The following DENND1A variants were observed in gnomAD, a reference collection of about 807,000 sequenced individuals.
The protein encoded by DENND1A is DENN domain containing 1A, also known as DENN domain-containing protein 1A.
Under a neutral mutation model 113.7 loss-of-function variants are expected in DENND1A, and 51 were observed. The ratio of observed to expected loss-of-function variants is 0.45; its 90% confidence interval spans 0.36 to 0.57. DENND1A has a LOEUF of 0.57. DENND1A is among the 20% of genes least tolerant of loss of function. DENND1A has a pLI of 0.00. For missense variants in DENND1A, 1,258 were observed against 1,395.9 expected (o/e 0.90, Z 1.57); for synonymous variants, 565 against 570.8 (o/e 0.99, Z 0.14).
At chr9:123,726,941 G>A (rs909927299) in intron 5 of DENND1A, among the ~76,000 whole-genome samples, 1 of 152,142 alleles carries the variant, frequency 6.6e-6, no homozygotes, top group Non-Finnish European at 1.5e-5. Flanking sequence ...GAAAGGCCAG[G>A]GACTCTGTGG....
rs201089527 is a variant in DENND1A, at chr9:123,757,669, A to G, written c.302+34T>C. On this transcript the variant is annotated intron_variant, in intron 5 of 23. Coordinates refer to ENST00000394215, the MANE Select transcript of DENND1A (RefSeq NM_001352964.2). Reference sequence around the variant, plus strand: ...AATGCAGAAGCTGACATTGCTTCAGAGAACAAGCCAACAGCCCAAGCCTTC... The same window carrying G: ...AATGCAGAAGCTGACATTGCTTCAGGGAACAAGCCAACAGCCCAAGCCTTC... The G allele has an allele frequency of 2.6e-3, 4,202 of 1,603,008 alleles. 8 individuals are homozygous for G. Among genetic ancestry groups the G allele is most frequent in the Non-Finnish European group, 3.2e-3 (3,780 of 1,172,302 alleles).
At position 123,421,123 on chromosome 9, in the gene DENND1A, G is replaced by T. The variant is rs752711327; in HGVS notation, c.1489-9294C>A. ...TGGGTGACATTCCCAGGAGGAGGGGGACACGAGGTGAGGTTAGAGGGGCTT... is the reference window on the plus strand; with the variant it reads ...TGGGTGACATTCCCAGGAGGAGGGGTACACGAGGTGAGGTTAGAGGGGCTT... On this transcript the variant is annotated intron_variant, in intron 19 of 23. Transcript: ENST00000394215. Among the ~76,000 whole-genome samples the T allele has an allele frequency of 5.4e-5, 8 of 147,970 alleles. No homozygotes were observed. In the Admixed American group the frequency reaches 5.4e-4, roughly 10 times the overall value.
intron 2 of DENND1A, among the ~76,000 whole-genome samples, chr9:123,851,752 G>A (rs1242617503): frequency 6.6e-6 from 1 of 152,182 alleles, no homozygotes; most frequent in East Asian, 1.9e-4. Flanking sequence ...TTTTTAAGAG[G>A]CTCCTACGGG....
At chr9:123,458,063 C>T (rs1455822017) in intron 13 of DENND1A, among the ~76,000 whole-genome samples, 166 bp from the exon 14 acceptor site, 1 of 147,214 alleles carries the variant, frequency 6.8e-6, no homozygotes, top group East Asian at 2.0e-4. Flanking sequence ...TACAGTGGTG[C>T]CATCTTGGCT....
intron 8 of DENND1A, among the ~76,000 whole-genome samples, chr9:123,659,493 G>A (rs1033997648): frequency 6.6e-6 from 1 of 152,170 alleles, no homozygotes; most frequent in African/African-American, 2.4e-5. Flanking sequence ...ATGTTCTTCA[G>A]CCCTCAGCCA....
At chr9:123,505,060 C>T (rs2052802195) in intron 13 of DENND1A, among the ~76,000 whole-genome samples, 1 of 152,200 alleles carries the variant, frequency 6.6e-6, no homozygotes, top group Non-Finnish European at 1.5e-5. Flanking sequence ...TAGACAGTCA[C>T]ATATTTCTGC....
chr9:123,581,397 G>C (rs1157747684), intron 12 of DENND1A, among the ~76,000 whole-genome samples: 2 of 152,168 alleles, frequency 1.3e-5, no homozygotes, highest in African/African-American at 4.8e-5. Context: ...ACTTAGGGAG[G>C]CTGAGATGGG....
intron 13 of DENND1A, among the ~76,000 whole-genome samples, chr9:123,550,309 A>C (rs963205743): frequency 6.6e-6 from 1 of 152,244 alleles, no homozygotes; most frequent in African/African-American, 2.4e-5. Flanking sequence ...CCCTGTGGGC[A>C]GTAGCTCTGT....
At chr9:123,787,463 G>C (rs537280205) in intron 3 of DENND1A, among the ~76,000 whole-genome samples, 1 of 152,270 alleles carries the variant, frequency 6.6e-6, no homozygotes, top group East Asian at 1.9e-4. Flanking sequence ...CATACAAGTT[G>C]CAAGTCTTGT....
chr9:123,667,052 T>C lies in DENND1A; in HGVS notation c.481A>G (p.Arg161Gly). ...TTCTCAGGTATGCTGGGAAGTTCTC[T>C]GGTATCAGGCACAGTAAAATAAGAA... ...VHSYFTVPDT[R>G]ELPSIPENRN... The change falls in exon 8 of 24, where the codon AGA (arginine) becomes GGA (glycine). Residue 161 changes from arginine to glycine, a missense_variant. Arg to Gly is a moderately radical substitution (Grantham distance 125). Transcript: ENST00000394215. The C allele has an allele frequency of 1.3e-6, 2 of 1,599,204 alleles. No individual in the cohort carries two copies. The highest frequency in any genetic ancestry group is 1.7e-6 in the Non-Finnish European group (2 of 1,175,552).
chr9:123,661,824 G>A (rs2063251521), intron 8 of DENND1A, among the ~76,000 whole-genome samples: 1 of 152,170 alleles, frequency 6.6e-6, no homozygotes, highest in Non-Finnish European at 1.5e-5. Flanking sequence ...AAGATGGAAA[G>A]ATTTGCTGAA....
chr9:123,906,335 G>C (rs1318972385), intron 1 of DENND1A, among the ~76,000 whole-genome samples: 1 of 132,090 alleles, frequency 7.6e-6, no homozygotes, highest in Non-Finnish European at 1.5e-5. Context: ...AAAGATAGAA[G>C]AAGGCAAGAA....
intron 3 of DENND1A, among the ~76,000 whole-genome samples, chr9:123,781,426 G>A (rs1243766080): frequency 6.6e-6 from 1 of 152,096 alleles, no homozygotes; most frequent in Non-Finnish European, 1.5e-5. Flanking sequence ...AAAATAGTGA[G>A]GTTTTATCAC....
chr9:123,485,636 GTACACA>G (rs1219417795), intron 13 of DENND1A: 5 of 94,086 alleles, frequency 5.3e-5, no homozygotes, highest in African/African-American at 1.7e-4. Context: ...GTGTGTGCGC[GTACACA>G]CACGCGCGCG....
chr9:123,765,280 T>C (rs1828597569), intron 4 of DENND1A, among the ~76,000 whole-genome samples: 1 of 152,192 alleles, frequency 6.6e-6, no homozygotes, highest in African/African-American at 2.4e-5. Context: ...GCTATACCAC[T>C]AACTGGTAGT....
rs1242708067 is a variant in DENND1A at position 123,922,887 on chromosome 9, TC to T, written c.17+7001del. 3.3e-5 allele frequency among the ~76,000 whole-genome samples: 5 copies of T among 152,228 alleles called. No individual in the cohort carries two copies. The South Asian group carries it at 6.2e-4, about 19-fold the overall frequency. ...AGGAACATATATGTATTTTAACATA[TC>T]TTTTCTTACTTTATTTGGCTCCTTT... On this transcript the variant is annotated intron_variant, in intron 1 of 23. Coordinates refer to ENST00000394215, the MANE Select transcript of DENND1A (RefSeq NM_001352964.2).
chr9:123,691,599 A>C (rs1443025098), intron 5 of DENND1A, among the ~76,000 whole-genome samples: 4 of 150,188 alleles, frequency 2.7e-5, no homozygotes, highest in African/African-American at 9.9e-5. Context: ...GCAATAGTAG[A>C]GATGAAACTA....
At chr9:123,414,044 G>T in intron 19 of DENND1A, 8 of 992,834 alleles carry the variant, frequency 8.1e-6, no homozygotes, top group Non-Finnish European at 9.6e-6. Context: ...GTCACCTCTG[G>T]CTTGGGCTAT....
chr9:123,667,177 C>G, intron 7 of DENND1A, 98 bp from the exon 8 acceptor site: 1 of 1,228,028 alleles, frequency 8.1e-7, no homozygotes, highest in Non-Finnish European at 1.1e-6. Context: ...TTTCCTTACT[C>G]AGAAAAGGAA....
Sources: allele counts gnomAD v4.1 joint callset (sites outside exome capture counted in the v4.1 genomes callset), GRCh38; gene constraint gnomAD v4.1.1; transcripts MANE v1.5; gene names NCBI Gene and HGNC (gene_info 2026-07-23, HGNC 2026-07-21).